Variants in TRAPPC9 observed in about 807,000 individuals in gnomAD.
TRAPPC9 encodes IKK2 binding protein.
Under a neutral mutation model 124.0 loss-of-function variants are expected in TRAPPC9, and 83 were observed. The observed-to-expected ratio is 0.67, with a 90% CI of 0.56 to 0.80. The LOEUF (loss-of-function observed/expected upper bound fraction) is 0.80. Among genes scored for constraint, TRAPPC9 ranks in the 30% least tolerant of loss-of-function variants. TRAPPC9 has a pLI of 0.00. For missense variants in TRAPPC9, 1,302 were observed against 1,508.3 expected (o/e 0.86, Z 2.27); for synonymous variants, 638 against 617.5 (o/e 1.03, Z -0.49).
chr8:139,961,523 A>G lies in TRAPPC9; in HGVS notation c.2810+27203T>C, dbSNP rs1407653797. Among the ~76,000 whole-genome samples the G allele has an allele frequency of 3.2e-5, 4 of 124,114 alleles. 2 individuals carry two copies. The highest frequency in any genetic ancestry group is 7.7e-5 in the Non-Finnish European group (4 of 51,786). The allele number at this position is 124,114 out of a possible 152,430, so 81.4% of individuals were successfully genotyped here. On this transcript the variant is annotated intron_variant, in intron 19 of 22. Transcript: ENST00000438773. Reference sequence around the variant, plus strand: ...CACTGAAACTGCAGCTATGGAGCCAAGCCTCCCTGTGCTCTCAGGGGAGCC... The same window carrying G: ...CACTGAAACTGCAGCTATGGAGCCAGGCCTCCCTGTGCTCTCAGGGGAGCC...
chr8:140,089,606 G>A (rs1490597730), intron 17 of TRAPPC9, among the ~76,000 whole-genome samples: 1 of 152,164 alleles, frequency 6.6e-6, no homozygotes, highest in Non-Finnish European at 1.5e-5. Context: ...GAGGGCCATG[G>A]AGCTGCCTAA....
chr8:139,744,258 C>T lies in TRAPPC9; in HGVS notation c.3056-12056G>A, dbSNP rs550446487. On this transcript the variant is annotated intron_variant, in intron 21 of 22. Transcript: ENST00000438773. ...GATAATGGCCAGGAAATGGGGGTGACGGTGCTGTGACAGAGTGTCTAGTCA... is the reference window on the plus strand; with the variant it reads ...GATAATGGCCAGGAAATGGGGGTGATGGTGCTGTGACAGAGTGTCTAGTCA... 2.6e-5 allele frequency among the ~76,000 whole-genome samples: 4 copies of T among 152,324 alleles called. No homozygotes were observed. In the South Asian group the frequency reaches 6.2e-4, roughly 24 times the overall value.
intron 17 of TRAPPC9, among the ~76,000 whole-genome samples, chr8:140,158,715 T>C (rs954537815): frequency 6.6e-6 from 1 of 152,214 alleles, no homozygotes; most frequent in Non-Finnish European, 1.5e-5. Flanking sequence ...CTGAGCAGCA[T>C]CTGTGCTCCG....
At chr8:139,765,844 C>A (rs1820551654) in intron 21 of TRAPPC9, among the ~76,000 whole-genome samples, 1 of 152,168 alleles carries the variant, frequency 6.6e-6, no homozygotes, top group Admixed American at 6.5e-5. Context: ...TTTGGATCAC[C>A]CAGCCTGGCA....
intron 7 of TRAPPC9, among the ~76,000 whole-genome samples, chr8:140,382,258 G>C (rs907482846): frequency 1.2e-4 from 18 of 152,198 alleles, no homozygotes; most frequent in Admixed American, 1.0e-3. Context: ...TGAGGTACCG[G>C]GTTCATTTCA....
chr8:139,878,964 T>C (rs538963536), intron 21 of TRAPPC9, among the ~76,000 whole-genome samples: 1 of 152,228 alleles, frequency 6.6e-6, no homozygotes, highest in Non-Finnish European at 1.5e-5. Flanking sequence ...TATGTACAAA[T>C]TCAAAAATTC....
intron 16 of TRAPPC9, among the ~76,000 whole-genome samples, chr8:140,233,623 C>CCACACACACACACACACA (rs35452775): frequency 0.032 from 2,945 of 90,800 alleles, 88 homozygotes; most frequent in Non-Finnish European, 0.041. Flanking sequence ...TCTCTCCCCA[C>CCACACACACACACACACA]CACACACACA....
At chr8:140,096,485 G>A (rs1299638785) in intron 17 of TRAPPC9, 1 of 152,224 alleles carries the variant, frequency 6.6e-6, no homozygotes, top group Non-Finnish European at 1.5e-5. Context: ...AGTGTGAATG[G>A]TGACCTGAAT....
intron 7 of TRAPPC9, among the ~76,000 whole-genome samples, chr8:140,386,289 T>C (rs1236361732): frequency 6.6e-6 from 1 of 152,152 alleles, no homozygotes; most frequent in African/African-American, 2.4e-5. Context: ...ACCACTCCTA[T>C]TCAACATAGT....
In TRAPPC9 at chr8:140,143,165, G is replaced by T. The variant is rs113620341; in HGVS notation, c.2556+78294C>A. 7.8e-3 allele frequency among the ~76,000 whole-genome samples: 1,184 copies of T among 152,344 alleles called. 11 individuals are homozygous for T. Among genetic ancestry groups the T allele is most frequent in the Non-Finnish European group, 0.012 (797 of 68,034 alleles). On this transcript the variant is annotated intron_variant, in intron 17 of 22. Transcript: ENST00000438773. The stretch of plus-strand genomic sequence containing the variant: ...TGGTTAGCATGCGTTTCCCTGATTA[G>T]TATTTGTAAGAACATTATCAAAAAT...
At chr8:140,240,501 G>C (rs567372382) in intron 16 of TRAPPC9, among the ~76,000 whole-genome samples, 3 of 152,106 alleles carry the variant, frequency 2.0e-5, no homozygotes. Flanking sequence ...CCTCAACTTC[G>C]GGTGGTTACA....
At chr8:139,890,466 G>T (rs1830268939) in intron 20 of TRAPPC9, among the ~76,000 whole-genome samples, 1 of 152,244 alleles carries the variant, frequency 6.6e-6, no homozygotes, top group South Asian at 2.1e-4. Context: ...CCCCAGACTT[G>T]AGGTGAAACC....
chr8:140,344,592 A>G (rs985664498), intron 9 of TRAPPC9, among the ~76,000 whole-genome samples: 11 of 152,352 alleles, frequency 7.2e-5, no homozygotes, highest in Middle Eastern at 6.8e-3. Context: ...ACTGAGGTGC[A>G]CAGAAATGGC....
chr8:139,824,441 G>A (rs1227155315), intron 21 of TRAPPC9, among the ~76,000 whole-genome samples: 1 of 152,300 alleles, frequency 6.6e-6, no homozygotes, highest in South Asian at 2.1e-4. Context: ...GGAGCACGTC[G>A]GGCGGTGGAG....
At chr8:140,387,390 G>C (rs926598548) in intron 7 of TRAPPC9, among the ~76,000 whole-genome samples, 1 of 152,092 alleles carries the variant, frequency 6.6e-6, no homozygotes, top group Admixed American at 6.6e-5. Flanking sequence ...TAATTAAACT[G>C]AAGAGCTTCT....
At chr8:140,195,008 A>T (rs2062604815) in intron 17 of TRAPPC9, among the ~76,000 whole-genome samples, 1 of 152,060 alleles carries the variant, frequency 6.6e-6, no homozygotes, top group Admixed American at 6.5e-5. Flanking sequence ...TACTGTACAG[A>T]TCACACCTGT....
At chr8:139,752,260 T>C (rs1819366371) in intron 21 of TRAPPC9, among the ~76,000 whole-genome samples, 1 of 148,150 alleles carries the variant, frequency 6.7e-6, no homozygotes, top group Non-Finnish European at 1.5e-5. Flanking sequence ...CCATCTACCA[T>C]CCATCCATCC....
intron 4 of TRAPPC9, among the ~76,000 whole-genome samples, chr8:140,428,222 T>C (rs1335611654): frequency 6.6e-6 from 1 of 152,198 alleles, no homozygotes; most frequent in African/African-American, 2.4e-5. Flanking sequence ...ATCACAATCA[T>C]CAATCATTTG....
intron 5 of TRAPPC9, among the ~76,000 whole-genome samples, chr8:140,418,771 T>TAGATAGGC (rs779953213): frequency 7.6e-6 from 1 of 131,168 alleles, no homozygotes; most frequent in Non-Finnish European, 1.7e-5. Context: ...GATAGATAGA[T>TAGATAGGC]AGACAGACAG....
Sources: allele counts gnomAD v4.1 joint callset (sites outside exome capture counted in the v4.1 genomes callset), GRCh38; gene constraint gnomAD v4.1.1; transcripts MANE v1.5; gene names NCBI Gene and HGNC (gene_info 2026-07-23, HGNC 2026-07-21).